Variants in CEP72 observed in about 807,000 individuals in gnomAD.
CEP72 encodes centrosomal protein 72, also known as centrosomal protein of 72 kDa.
Under a neutral mutation model 65.7 loss-of-function variants are expected in CEP72, and 78 were observed. That is an observed-to-expected ratio of 1.19 (90% CI 0.99 to 1.43). The LOEUF is 1.43. Ranked by LOEUF, CEP72 falls within the 40% of genes most tolerant of loss-of-function variation. The pLI is 0.00. For synonymous variants in CEP72, 358 were observed against 351.7 expected (o/e 1.02, Z -0.20); for missense variants, 914 against 832.9 (o/e 1.10, Z -1.20).
intron 11 of CEP72, among the ~76,000 whole-genome samples, chr5:651,799 T>C (rs1231421089): frequency 6.6e-6 from 1 of 151,966 alleles, no homozygotes; most frequent in African/African-American, 2.4e-5. Context: ...AAGGCTGGTC[T>C]GTGGTCAGTT....
At chr5:662,989 G>A (rs566811842) in intron 1 of CEP72, 1 of 150,538 alleles carries the variant, frequency 6.6e-6, no homozygotes, top group Non-Finnish European at 1.4e-5. Flanking sequence ...ATGACTGCTC[G>A]TCTGTGATCG....
intron 4 of CEP72, among the ~76,000 whole-genome samples, chr5:625,957 A>G (rs1266375957): frequency 1.3e-5 from 2 of 150,166 alleles, no homozygotes; most frequent in Non-Finnish European, 3.0e-5. Flanking sequence ...CCTCATGGTA[A>G]TTTGATTGCC....
At chr5:648,335 G>A (rs1320996661) in intron 11 of CEP72, among the ~76,000 whole-genome samples, 1 of 128,898 alleles carries the variant, frequency 7.8e-6, no homozygotes, top group African/African-American at 3.1e-5. Flanking sequence ...GGCATGGACT[G>A]TGAGGTGTGA....
chr5:636,490 T>C (rs2126784346), intron 6 of CEP72, among the ~76,000 whole-genome samples: 1 of 152,320 alleles, frequency 6.6e-6, no homozygotes, highest in African/African-American at 2.4e-5. Flanking sequence ...GATGGCCACC[T>C]ATGTGGCATA....
At position 653,147 on chromosome 5, in the gene CEP72, C is replaced by G; in HGVS notation, c.1938C>G (p.Ala646=). The change falls in exon 12 of 12, where the codon GCC becomes GCG. Residue 646 remains alanine (A), a synonymous_variant. Transcript: ENST00000264935. Reference sequence around the variant, plus strand: ...GCGCCAGCCATGGAGGCTGCCAGGCCTGCTGACTCCTGCCGAGAAGCTGGG... The same window carrying G: ...GCGCCAGCCATGGAGGCTGCCAGGCGTGCTGACTCCTGCCGAGAAGCTGGG... ...HSSASHGGCQ[A]C 6.2e-7 allele frequency: 1 copy of G among 1,601,388 alleles called. No homozygotes were observed. Among genetic ancestry groups the G allele is most frequent in the Non-Finnish European group, 8.5e-7 (1 of 1,175,172 alleles).
At chr5:615,603 G>C (rs559015242) in intron 1 of CEP72, among the ~76,000 whole-genome samples, 1 of 151,982 alleles carries the variant, frequency 6.6e-6, no homozygotes, top group African/African-American at 2.4e-5. Context: ...TAGTTTCCTG[G>C]TTCATTATTT....
chr5:628,631 G>T (rs1012288599), intron 4 of CEP72, among the ~76,000 whole-genome samples: 21 of 106,540 alleles, frequency 2.0e-4, no homozygotes, highest in African/African-American at 4.3e-4. Flanking sequence ...TCCCCGGGGA[G>T]TGGCCCCAGG....
chr5:654,186 ACTAGCTGTGTGTGCATG>A (rs1739294050), downstream of CEP72, among the ~76,000 whole-genome samples: 1 of 119,324 alleles, frequency 8.4e-6, no homozygotes, highest in Admixed American at 9.4e-5. Context: ...TGCTCTGTGT[ACTAGCTGTGTGTGCATG>A]CTAGCTGTGT....
intron 4 of CEP72, among the ~76,000 whole-genome samples, chr5:628,715 C>G (rs1280608388): frequency 1.2e-4 from 16 of 132,320 alleles, no homozygotes; most frequent in African/African-American, 3.9e-4. Context: ...CAGGACCCAG[C>G]CCCCTTCTTT....
At chr5:638,473 C>T (rs1445781904) in intron 7 of CEP72, among the ~76,000 whole-genome samples, 1 of 151,838 alleles carries the variant, frequency 6.6e-6, no homozygotes, top group Non-Finnish European at 1.5e-5. Context: ...TTCAGACTCC[C>T]ATGCAGGCAG....
In CEP72 at chr5:619,936, T is replaced by C. The variant is rs543790406; in HGVS notation, c.211-133T>C. The stretch of plus-strand genomic sequence containing the variant: ...AGATGAGAACGTTTCATTTTTCTAC[T>C]TTTCCTGGTAATGACATGGAGTTAT... On this transcript the variant is annotated intron_variant, in intron 2 of 11. Transcript: ENST00000264935. 4.0e-5 allele frequency: 28 copies of C among 696,306 alleles called. No homozygotes were observed. In the African/African-American group the frequency reaches 6.5e-4, roughly 16 times the overall value. 43.1% of individuals were successfully genotyped at this position (696,306 alleles called of 1,614,324 possible).
At chr5:638,948 A>C in intron 7 of CEP72, 141 bp from the exon 8 acceptor site, 1 of 1,059,184 alleles carries the variant, frequency 9.4e-7, no homozygotes, top group Non-Finnish European at 1.4e-6. Context: ...GCCGCCCTCC[A>C]CCTGGCTCAG....
chr5:654,658 G>A (rs926827449), downstream of CEP72, among the ~76,000 whole-genome samples: 4 of 152,178 alleles, frequency 2.6e-5, no homozygotes, highest in Admixed American at 1.3e-4. Flanking sequence ...TTGTCATCAC[G>A]TAATTTATGT....
At chr5:648,589 G>A (rs1349676144) in intron 11 of CEP72, among the ~76,000 whole-genome samples, 1 of 144,066 alleles carries the variant, frequency 6.9e-6, no homozygotes, top group African/African-American at 2.6e-5. Flanking sequence ...ACTGTGAGGT[G>A]TGACTGTGAG....
Position 666,181 on chromosome 5 carries a change from C to A in CEP72, n.592+82C>A. ...CGGGCCGGCCCAGGGCTGCCCTCCC[C>A]ACGCGTGGGTCTGAGCAGAGCTGGA... On this transcript the variant is annotated intron_variant and non_coding_transcript_variant, in intron 4 of 4. Transcript: ENST00000514507. 6.3e-6 allele frequency: 10 copies of A among 1,582,864 alleles called. No individual in the cohort carries two copies. In the South Asian group the frequency reaches 6.8e-5, roughly 11 times the overall value.
At chr5:622,294 T>C (rs1736443260) in intron 3 of CEP72, among the ~76,000 whole-genome samples, 2 of 150,996 alleles carry the variant, frequency 1.3e-5, no homozygotes, top group African/African-American at 5.0e-5. Context: ...AATTTTTCTC[T>C]GACCTTCTAA....
rs945396625 is a variant in CEP72, at chr5:639,346, G to A, written c.1342+122G>A. The A allele has an allele frequency of 9.5e-6, 11 of 1,156,534 alleles. No individual in the cohort carries two copies. In the African/African-American group the frequency reaches 1.6e-4, roughly 17 times the overall value. 71.6% of individuals were successfully genotyped at this position (1,156,534 alleles called of 1,614,324 possible). A position where few individuals can be genotyped will look rare whatever the true frequency, so the allele number is the denominator to read the frequency against. The stretch of plus-strand genomic sequence containing the variant: ...AGGTCTCCTATGTCCCCTCCCACGA[G>A]CGTGTGGTGGTCCCGCGCCTGGGCC... On this transcript the variant is annotated intron_variant, in intron 8 of 11. Transcript: ENST00000264935.
intron 11 of CEP72, 38 bp downstream of exon 11, chr5:647,954 A>G (rs1454530358): frequency 6.9e-7 from 1 of 1,442,614 alleles, no homozygotes; most frequent in East Asian, 2.3e-5. Context: ...CCCCGAGGGG[A>G]GGAGGCCCAG....
chr5:672,516 G>A, the CEP72 span, among the ~76,000 whole-genome samples: 1 of 152,244 alleles, frequency 6.6e-6, no homozygotes, highest in African/African-American at 2.4e-5. Context: ...CATCGGCTGG[G>A]TGCCCCCACC....
Sources: gnomAD v4.1 joint callset for allele counts (sites outside exome capture counted in the v4.1 genomes callset) on GRCh38, gnomAD v4.1.1 for gene constraint, MANE v1.5 for transcripts, NCBI Gene and HGNC (gene_info 2026-07-23, HGNC 2026-07-21) for gene names.